AKAP13: variants seen among roughly 807,000 people sequenced by gnomAD.
AKAP13 encodes A-kinase anchor protein 13.
AKAP13 carries 80 observed loss-of-function variants against 264.5 expected under a neutral mutation model. The observed-to-expected ratio is 0.30, with a 90% CI of 0.25 to 0.36. The LOEUF (loss-of-function observed/expected upper bound fraction) is 0.36, where lower values mean the gene tolerates loss of function less well. AKAP13 is among the 10% of genes least tolerant of loss of function. The pLI is 1.00. For synonymous variants in AKAP13, 1,380 were observed against 1,250.2 expected, an observed-to-expected ratio of 1.10 and a Z score of -2.19; for missense variants, 3,712 against 3,435.2, an observed-to-expected ratio of 1.08 and a Z score of -2.01.
At chr15:85,673,518 C>T (rs938105805) in intron 14 of AKAP13, among the ~76,000 whole-genome samples, 12 of 152,168 alleles carry the variant, frequency 7.9e-5, no homozygotes, top group Admixed American at 1.3e-4. Context: ...CACAGCATTT[C>T]TCCTCCTTGC....
rs1212574334 is a variant in AKAP13 at position 85,684,824 on chromosome 15, G to A, written c.5240G>A (p.Arg1747His). The change falls in exon 16 of 37, where the codon CGT becomes CAT. Residue 1747 changes from arginine (R) to histidine (H), a missense_variant. Arg to His is a conservative substitution (Grantham distance 29). Around this residue, in one of 3 missense-constraint regions of AKAP13, gnomAD observed 2,759 missense variants for 2,411.7 expected, o/e 1.14. Coordinates refer to ENST00000394518, the MANE Select transcript of AKAP13 (RefSeq NM_007200.5). ...TGGAAGAGTGGAACAAAAGTCAGTCGTACATTCAGCTACATCAAGAATAAA... is the reference window on the plus strand; with the variant it reads ...TGGAAGAGTGGAACAAAAGTCAGTCATACATTCAGCTACATCAAGAATAAA... The part of the protein sequence containing the change: ...SEWKSGTKVS[R>H]TFSYIKNKMS... 7 of 1,613,818 alleles carry A rather than the reference G, an allele frequency of 4.3e-6. No homozygotes were observed. The highest frequency in any genetic ancestry group is 1.1e-5 in the South Asian group (1 of 91,060).
intron 14 of AKAP13, chr15:85,670,734 G>A (rs1262646764): frequency 1.3e-5 from 2 of 151,950 alleles, no homozygotes; most frequent in Non-Finnish European, 2.9e-5. Context: ...GCTCAAGAAG[G>A]ACAAAGCAAG....
At chr15:85,513,692 C>A (rs1025268961) in intron 2 of AKAP13, among the ~76,000 whole-genome samples, 7 of 152,212 alleles carry the variant, frequency 4.6e-5, no homozygotes, top group African/African-American at 1.7e-4. Context: ...GTAATCACAG[C>A]AGGGTAGATA....
intron 1 of AKAP13, among the ~76,000 whole-genome samples, chr15:85,441,582 G>A (rs1483579): frequency 0.25 from 38,026 of 151,890 alleles, 6,357 homozygotes; most frequent in Middle Eastern, 0.37. Flanking sequence ...CTTTGCCTTA[G>A]CCAAGATCAC....
At chr15:85,637,036 T>C (rs942905683) in intron 8 of AKAP13, among the ~76,000 whole-genome samples, 4 of 152,252 alleles carry the variant, frequency 2.6e-5, no homozygotes, top group African/African-American at 9.6e-5. Flanking sequence ...GCTCATGATA[T>C]ATATTGCTGG....
chr15:85,506,213 A>G (rs11073374), intron 2 of AKAP13, among the ~76,000 whole-genome samples: 77,187 of 151,920 alleles, frequency 0.51, 20,164 homozygotes, highest in Middle Eastern at 0.61. Context: ...GAACCCATGA[A>G]GTGGAGGTTG....
chr15:85,441,416 T>G (rs572113183), intron 1 of AKAP13, among the ~76,000 whole-genome samples: 1 of 152,280 alleles, frequency 6.6e-6, no homozygotes, highest in South Asian at 2.1e-4. Flanking sequence ...TTTATATAAT[T>G]GGTAAATATT....
At chr15:85,652,915 A>G (rs2082925307) in intron 10 of AKAP13, among the ~76,000 whole-genome samples, 1 of 151,882 alleles carries the variant, frequency 6.6e-6, no homozygotes, top group Admixed American at 6.6e-5. Context: ...GATCCACCCT[A>G]CTCCAGTATA....
chr15:85,665,382 C>T (rs753727291), intron 13 of AKAP13, among the ~76,000 whole-genome samples: 54 of 152,260 alleles, frequency 3.5e-4, no homozygotes, highest in Middle Eastern at 6.8e-3. Flanking sequence ...CGCTACATAT[C>T]GTTATTAATT....
In AKAP13 at chr15:85,426,384, T is replaced by A. The variant is rs375651472; in HGVS notation, c.-12+45586T>A. Among the ~76,000 whole-genome samples the A allele has an allele frequency of 1.4e-4, 21 of 152,354 alleles. No individual in the cohort carries two copies. The East Asian group carries it at 3.5e-3, about 25-fold the overall frequency. On this transcript the variant is annotated intron_variant, in intron 1 of 36. Transcript: ENST00000394518. ...TTTAGTGGGCTCTGTGATTACTGTC[T>A]AGGATCATCTAAAACAAAAATAGGT...
intron 12 of AKAP13, chr15:85,662,294 C>G (rs2083390252): frequency 4.6e-6 from 6 of 1,295,182 alleles, no homozygotes; most frequent in Non-Finnish European, 6.7e-6. Context: ...CCGTCTGTCT[C>G]TAACTATGCC....
rs764802376 is a variant in AKAP13 at position 85,741,475 on chromosome 15, A to G, written c.8038A>G (p.Thr2680Ala). Reference protein sequence around the residue: ...REAERLSQRQTERDLCQVSHP... With the variant: ...REAERLSQRQAERDLCQVSHP... ...GGCAGAGCGGCTCAGCCAGCGGCAG[A>G]CAGAACGGGACCTGTGTCAGGTAAT... is the stretch of plus-strand genomic sequence containing the variant. The change falls in exon 35 of 37, where the codon ACA becomes GCA. Residue 2680 changes from threonine to alanine, a missense_variant. This residue lies in a region of AKAP13 where 611 missense variants were observed against 539.3 expected (regional missense o/e 1.13). Transcript: ENST00000394518. The G allele has an allele frequency of 3.8e-6, 6 of 1,599,538 alleles. No individual in the cohort carries two copies. The African/African-American group carries it at 6.7e-5, about 18-fold the overall frequency.
intron 3 of AKAP13, among the ~76,000 whole-genome samples, chr15:85,531,710 G>A (rs187120319): frequency 1.3e-5 from 2 of 152,296 alleles, no homozygotes; most frequent in African/African-American, 2.4e-5. Flanking sequence ...ACCAGGCAGC[G>A]GATGCTTCAG....
At chr15:85,731,405 A>G (rs1199979480) in intron 30 of AKAP13, among the ~76,000 whole-genome samples, 1 of 152,118 alleles carries the variant, frequency 6.6e-6, no homozygotes, top group African/African-American at 2.4e-5. Context: ...TAAAATTCTT[A>G]ATTTACAGTT....
At chr15:85,493,290 G>C (rs2075785319) in intron 2 of AKAP13, among the ~76,000 whole-genome samples, 2 of 152,194 alleles carry the variant, frequency 1.3e-5, no homozygotes, top group African/African-American at 4.8e-5. Flanking sequence ...GTTTAGATAA[G>C]ACTACTAAAA....
intron 1 of AKAP13, among the ~76,000 whole-genome samples, chr15:85,463,824 CT>C (rs1304584441): frequency 6.6e-6 from 1 of 151,260 alleles, no homozygotes; most frequent in Admixed American, 6.6e-5. Context: ...TTTTTTCCCC[CT>C]GGGTGATGTT....
In AKAP13 at chr15:85,521,567, T is replaced by C. The variant is rs371620269; in HGVS notation, c.173T>C (p.Ile58Thr). ...GTCAGTTCTGATACATTGGAGACCA[T>C]TGCTCCTGGTAAGTATTTGAATGGG... Reference protein sequence around the residue: ...RKVSSDTLETIAPGHDCCETV... With the variant: ...RKVSSDTLETTAPGHDCCETV... The change falls in exon 3 of 37, where the codon ATT becomes ACT. Residue 58 changes from isoleucine (I) to threonine (T), a missense_variant. Transcript: ENST00000394518. 3.7e-6 allele frequency: 6 copies of C among 1,613,846 alleles called. No individual in the cohort carries two copies. The highest frequency in any genetic ancestry group is 2.7e-5 in the African/African-American group (2 of 74,926).
chr15:85,580,640 C>T lies in AKAP13; in HGVS notation c.2572C>T (p.His858Tyr), dbSNP rs765705530. The change falls in exon 7 of 37, where the codon CAC becomes TAC. Residue 858 changes from histidine (H) to tyrosine (Y), a missense_variant. Around this residue, in one of 3 missense-constraint regions of AKAP13, gnomAD observed 2,759 missense variants for 2,411.7 expected, o/e 1.14. Transcript: ENST00000394518. The stretch of plus-strand genomic sequence containing the variant: ...ATCCTCCACTGCTGCAGAGCTTCAG[C>T]ACGGGATGGGGAATACCAGTCTCAC... Reference protein sequence around the residue: ...STSSTAAELQHGMGNTSLTGL... With the variant: ...STSSTAAELQYGMGNTSLTGL... 4 of 1,614,218 alleles carry T rather than the reference C, an allele frequency of 2.5e-6. No individual in the cohort carries two copies. Among genetic ancestry groups the T allele is most frequent in the Non-Finnish European group, 8.5e-7 (1 of 1,180,036 alleles).
At chr15:85,716,365 G>A (rs1349769642) in intron 20 of AKAP13, among the ~76,000 whole-genome samples, 1 of 152,128 alleles carries the variant, frequency 6.6e-6, no homozygotes, top group East Asian at 1.9e-4. Flanking sequence ...TAACACTTAA[G>A]TCAGTTTCAT....
Sources: gnomAD v4.1 joint callset for allele counts (sites outside exome capture counted in the v4.1 genomes callset) on GRCh38, gnomAD v4.1.1 for gene constraint, gnomAD v4.1.1 regional missense constraint, MANE v1.5 for transcripts, NCBI Gene and HGNC (gene_info 2026-07-23, HGNC 2026-07-21) for gene names.